Variants in STK39 observed in about 807,000 individuals in gnomAD.
STK39 encodes serine/threonine kinase 39.
A neutral mutation model predicts 77.8 loss-of-function variants in STK39; 20 were observed. That is an observed-to-expected ratio of 0.26 (90% CI 0.18 to 0.37). STK39 has a LOEUF of 0.37. Among genes scored for constraint, STK39 ranks in the 10% least tolerant of loss-of-function variants. STK39 has a pLI of 1.00. For missense variants in STK39, 479 were observed against 656.5 expected (o/e 0.73, Z 2.95); for synonymous variants, 246 against 234.1 (o/e 1.05, Z -0.47).
chr2:168,067,367 T>G (rs1685822823), intron 12 of STK39, among the ~76,000 whole-genome samples: 1 of 152,140 alleles, frequency 6.6e-6, no homozygotes, highest in Non-Finnish European at 1.5e-5. Context: ...ACACGAGATT[T>G]GGTCATTTAA....
chr2:168,037,170 C>T (rs1390770176), intron 14 of STK39, among the ~76,000 whole-genome samples: 1 of 152,046 alleles, frequency 6.6e-6, no homozygotes, highest in East Asian at 1.9e-4. Flanking sequence ...CTTTCTGTGC[C>T]CTCCCTCACT....
At chr2:168,030,857 G>C (rs1015240528) in intron 14 of STK39, among the ~76,000 whole-genome samples, 1 of 152,188 alleles carries the variant, frequency 6.6e-6, no homozygotes, top group African/African-American at 2.4e-5. Flanking sequence ...TGCACAGAAA[G>C]TAACATTGTT....
At chr2:168,026,164 A>G (rs1684693591) in intron 14 of STK39, among the ~76,000 whole-genome samples, 1 of 152,234 alleles carries the variant, frequency 6.6e-6, no homozygotes, top group East Asian at 1.9e-4. Context: ...CGATCTTTGC[A>G]GAAAATGATG....
chr2:168,110,804 C>T (rs1329222281), intron 10 of STK39, among the ~76,000 whole-genome samples: 5 of 152,142 alleles, frequency 3.3e-5, no homozygotes, highest in Non-Finnish European at 7.3e-5. Context: ...TTGAGTTTCT[C>T]AAAAACCTTT....
chr2:167,993,401 A>C (rs1217595805), intron 16 of STK39, among the ~76,000 whole-genome samples: 2 of 152,212 alleles, frequency 1.3e-5, no homozygotes, highest in Non-Finnish European at 2.9e-5. Flanking sequence ...GGAAACATGC[A>C]GTTGGCCAGG....
At chr2:168,091,423 C>G (rs1039073113) in intron 10 of STK39, among the ~76,000 whole-genome samples, 6 of 152,302 alleles carry the variant, frequency 3.9e-5, no homozygotes, top group African/African-American at 1.4e-4. Context: ...CCTGAATTCC[C>G]ATTGGAGGCT....
intron 14 of STK39, among the ~76,000 whole-genome samples, chr2:168,063,004 T>G (rs1685701299): frequency 2.0e-5 from 3 of 152,172 alleles, no homozygotes; most frequent in African/African-American, 7.2e-5. Flanking sequence ...CATATTTGTA[T>G]CCATTTCCTA....
chr2:168,009,698 G>T (rs1324681971), intron 16 of STK39, among the ~76,000 whole-genome samples: 1 of 152,082 alleles, frequency 6.6e-6, no homozygotes, highest in African/African-American at 2.4e-5. Flanking sequence ...TCCATGTAAG[G>T]CATTTTTAAG....
At chr2:168,113,236 A>C (rs1291840868) in intron 10 of STK39, 1 of 152,238 alleles carries the variant, frequency 6.6e-6, no homozygotes, top group Non-Finnish European at 1.5e-5. Flanking sequence ...AAAGGAGCAC[A>C]ATGTCAATGG....
intron 14 of STK39, among the ~76,000 whole-genome samples, chr2:168,041,657 T>C (rs73017376): frequency 0.14 from 21,454 of 152,230 alleles, 1,688 homozygotes; most frequent in Middle Eastern, 0.18. Flanking sequence ...ATGGGTACTT[T>C]AGATGGTGGT....
intron 10 of STK39, among the ~76,000 whole-genome samples, chr2:168,095,222 C>T (rs1574460630): frequency 6.6e-6 from 1 of 152,176 alleles, no homozygotes; most frequent in African/African-American, 2.4e-5. Flanking sequence ...CTCACAGCAC[C>T]GCATCCCAAC....
intron 1 of STK39, among the ~76,000 whole-genome samples, chr2:168,222,895 T>A (rs932274550): frequency 6.6e-6 from 1 of 152,176 alleles, no homozygotes; most frequent in African/African-American, 2.4e-5. Context: ...ATGGACTAAA[T>A]GAGCTAAATA....
At chr2:167,988,931 T>C (rs1683630309) in intron 16 of STK39, among the ~76,000 whole-genome samples, 2 of 152,210 alleles carry the variant, frequency 1.3e-5, no homozygotes, top group Admixed American at 1.3e-4. Flanking sequence ...AATCAGTGAC[T>C]GAGAGCTTCA....
At position 168,175,371 on chromosome 2, in the gene STK39, A is replaced by G. The variant is rs1688931871; in HGVS notation, c.321+6607T>C. On this transcript the variant is annotated intron_variant, in intron 2 of 17. Transcript: ENST00000355999. ...GCTGGGTCCCTGTTACTGAAAACAT[A>G]TAAGCCCCAAAACATAAGTGTTTTT... Among the ~76,000 whole-genome samples the G allele has an allele frequency of 2.6e-5, 4 of 152,222 alleles. No individual in the cohort carries two copies. In the South Asian group the frequency reaches 8.3e-4, roughly 32 times the overall value.
intron 16 of STK39, among the ~76,000 whole-genome samples, chr2:168,001,382 G>T (rs1683997323): frequency 6.6e-6 from 1 of 151,976 alleles, no homozygotes; most frequent in Non-Finnish European, 1.5e-5. Flanking sequence ...CTATCGGCAG[G>T]TGACCAGTCC....
At chr2:167,977,532 A>G (rs1683309379) in intron 16 of STK39, among the ~76,000 whole-genome samples, 1 of 151,774 alleles carries the variant, frequency 6.6e-6, no homozygotes, top group Non-Finnish European at 1.5e-5. Flanking sequence ...AATACCCAGA[A>G]TTCATCTGAG....
At chr2:168,115,894 A>G (rs1319927146) in intron 10 of STK39, among the ~76,000 whole-genome samples, 1 of 152,192 alleles carries the variant, frequency 6.6e-6, no homozygotes, top group Non-Finnish European at 1.5e-5. Flanking sequence ...AGAAGGGACT[A>G]GACCATGCGA....
chr2:168,146,415 C>T (rs879377537), intron 5 of STK39, among the ~76,000 whole-genome samples: 7 of 152,096 alleles, frequency 4.6e-5, no homozygotes, highest in Admixed American at 1.3e-4. Flanking sequence ...CAGAGAGTAA[C>T]GGGATCAATG....
intron 1 of STK39, among the ~76,000 whole-genome samples, chr2:168,237,409 C>T (rs1177035700): frequency 2.0e-5 from 3 of 152,320 alleles, no homozygotes; most frequent in East Asian, 3.9e-4. Flanking sequence ...ATTTGACTTC[C>T]TCTTTTCCTA....
Sources: gnomAD v4.1 joint callset for allele counts (sites outside exome capture counted in the v4.1 genomes callset) on GRCh38, gnomAD v4.1.1 for gene constraint, MANE v1.5 for transcripts, NCBI Gene and HGNC (gene_info 2026-07-23, HGNC 2026-07-21) for gene names.